The following KLHL25 variants were observed in gnomAD, a reference collection of about 807,000 sequenced individuals.
The protein encoded by KLHL25 is kelch-like protein 25.
A neutral mutation model predicts 30.0 loss-of-function variants in KLHL25; 41 were observed. That is an observed-to-expected ratio of 1.37 (90% CI 1.07 to 1.78). The LOEUF (loss-of-function observed/expected upper bound fraction) is 1.78. Among genes scored for constraint, KLHL25 ranks in the 40% most tolerant of loss-of-function variants. The probability of loss-of-function intolerance (pLI) is 0.00; values close to 1 mark genes in which losing one functional copy is unlikely to be tolerated. For synonymous variants in KLHL25, 399 were observed against 355.3 expected (o/e 1.12, Z -1.38); for missense variants, 971 against 824.5 (o/e 1.18, Z -2.18).
rs1177693144 is a variant in KLHL25 at position 85,768,845 on chromosome 15, G to C, written c.966C>G (p.Pro322=). The change falls in exon 2 of 3, where the codon CCC becomes CCG. Residue 322 remains proline (P), a synonymous_variant. Transcript: ENST00000337975. ...TCCGGGGGCTGGGCAGGTCGGCCTT[G>C]GGGATGATCTCCTTGGCCTTGTGGT... ...QVDHKAKEII[P]KADLPSPRKE... The C allele has an allele frequency of 6.2e-7, 1 of 1,613,400 alleles. No individual in the cohort carries two copies. The highest frequency in any genetic ancestry group is 2.2e-5 in the East Asian group (1 of 44,886).
rs576977001 is a variant in KLHL25 at position 85,787,492 on chromosome 15, T to C, written c.-11+7274A>G. 4.6e-5 allele frequency among the ~76,000 whole-genome samples: 7 copies of C among 152,326 alleles called. 1 individual carries two copies. Among genetic ancestry groups the C allele is most frequent in the African/African-American group, 1.7e-4 (7 of 41,572 alleles). ...TGTAGAGAAATGGGCATTCAGGCAC[T>C]ATTATTAGTGAAAGAGTAAACTGGG... is the stretch of plus-strand genomic sequence containing the variant. On this transcript the variant is annotated intron_variant, in intron 1 of 2. Coordinates refer to ENST00000337975, the MANE Select transcript of KLHL25 (RefSeq NM_022480.4).
rs773475225 is a variant in KLHL25 at position 85,768,906 on chromosome 15, C to T, written c.905G>A (p.Gly302Asp). Residue 302 changes from glycine to aspartate, a missense_variant, in exon 2 of 3, where the codon GGC becomes GAC. By Grantham distance (94) the Gly-to-Asp change is moderately conservative. Transcript: ENST00000337975. ...KAGHTLLILG[G>D]QTFMCDKIYQ... is the part of the protein sequence containing the mutation. ...GATCTTGTCACACATGAAGGTCTGGCCCCCCAGGATGAGTAGCGTGTGGCC... is the reference window on the plus strand; with the variant it reads ...GATCTTGTCACACATGAAGGTCTGGTCCCCCAGGATGAGTAGCGTGTGGCC... 3.1e-6 allele frequency: 5 copies of T among 1,613,188 alleles called. No homozygotes were observed. The highest frequency in any genetic ancestry group is 4.2e-6 in the Non-Finnish European group (5 of 1,180,042).
intron 1 of KLHL25, among the ~76,000 whole-genome samples, chr15:85,780,136 G>A (rs147467852): frequency 6.6e-6 from 1 of 152,184 alleles, no homozygotes; most frequent in African/African-American, 2.4e-5. Context: ...AACCCCCTCA[G>A]GTTGGGGGTG....
In KLHL25 at chr15:85,768,815, C is replaced by A; in HGVS notation, c.996G>T (p.Glu332Asp). The change falls in exon 2 of 3, where the codon GAG becomes GAT. Residue 332 changes from glutamate to aspartate, a missense_variant. Coordinates refer to ENST00000337975, the MANE Select transcript of KLHL25 (RefSeq NM_022480.4). ...PKADLPSPRK[E>D]FSASAIGCKV... ...TGCAGCCGATCGCTGAGGCGCTGAA[C>A]TCCTTCCGGGGGCTGGGCAGGTCGG... is the stretch of plus-strand genomic sequence containing the variant. 2 of 1,613,386 alleles carry A rather than the reference C, an allele frequency of 1.2e-6. No individual in the cohort carries two copies. Among genetic ancestry groups the A allele is most frequent in the Non-Finnish European group, 1.7e-6 (2 of 1,180,048 alleles).
intron 1 of KLHL25, among the ~76,000 whole-genome samples, chr15:85,794,185 G>A (rs1047929073): frequency 2.6e-5 from 4 of 152,222 alleles, no homozygotes; most frequent in African/African-American, 9.6e-5. Context: ...GTGCCTTTGA[G>A]TGCGACCTTT....
Position 85,760,263 on chromosome 15 carries a change from AGGAGGGGAGG to A in KLHL25, c.*763_*772del, listed in dbSNP as rs955085910. 1 of 151,868 alleles carries A rather than the reference AGGAGGGGAGG, an allele frequency of 6.6e-6. No individual in the cohort carries two copies. The highest frequency in any genetic ancestry group is 3.4e-3 in the Middle Eastern group (1 of 294). 9.4% of individuals were successfully genotyped at this position (151,868 alleles called of 1,614,324 possible). On this transcript the variant is annotated 3_prime_UTR_variant, in exon 3 of 3. Transcript: ENST00000337975. ...CTGCTGCCTCTCAGGGTGGGCTCTG[AGGAGGGGAGG>A]GGAGGGGTGACCCCCAGGGCACTCG...
In KLHL25 at chr15:85,768,542, C is replaced by T. The variant is rs1293977770; in HGVS notation, c.1269G>A (p.Lys423=). 3 of 1,613,618 alleles carry T rather than the reference C, an allele frequency of 1.9e-6. No individual in the cohort carries two copies. The East Asian group carries it at 6.7e-5, about 36-fold the overall frequency. Reference sequence around the variant, plus strand: ...CCCGCAAGGGGGCCACCATCATCCACTTGTTGGCCCCAGGGTCGTATTTCT... The same window carrying T: ...CCCGCAAGGGGGCCACCATCATCCATTTGTTGGCCCCAGGGTCGTATTTCT... ...QVEKYDPGAN[K]WMMVAPLRDG... is the part of the protein sequence containing the mutation. Residue 423 remains lysine (K), a synonymous_variant, in exon 2 of 3, where the codon AAG becomes AAA. Transcript: ENST00000337975.
chr15:85,769,858 T>G (rs1261638929), intron 1 of KLHL25, 38 bp from the exon 2 acceptor site: 2 of 1,515,354 alleles, frequency 1.3e-6, no homozygotes, highest in East Asian at 2.3e-5. Context: ...GAGGAGCCCC[T>G]CCTGCCCATC....
In KLHL25 at chr15:85,769,554, G is replaced by A. The variant is rs1249274158; in HGVS notation, c.257C>T (p.Thr86Ile). 3.7e-6 allele frequency: 6 copies of A among 1,613,858 alleles called. No individual in the cohort carries two copies. Among genetic ancestry groups the A allele is most frequent in the Non-Finnish European group, 5.1e-6 (6 of 1,180,046 alleles). Residue 86 changes from threonine (T) to isoleucine (I), a missense_variant, in exon 2 of 3, where the codon ACT becomes ATT. Transcript: ENST00000337975. ...GTGCAGGTTGTCCTGGAAGTTGACA[G>A]TGTCATCCCGGCTCTCCCGAAGGCC... ...SHGLRESRDDTVNFQDNLHPE... is the reference protein window; with the variant it reads ...SHGLRESRDDIVNFQDNLHPE...
chr15:85,780,922 C>A (rs1424174180), intron 1 of KLHL25, among the ~76,000 whole-genome samples: 1 of 152,316 alleles, frequency 6.6e-6, no homozygotes, highest in African/African-American at 2.4e-5. Context: ...TGGTTACACA[C>A]CGCAGCATGG....
chr15:85,772,162 G>C (rs1157546222), intron 1 of KLHL25, among the ~76,000 whole-genome samples: 1 of 152,142 alleles, frequency 6.6e-6, no homozygotes, highest in African/African-American at 2.4e-5. Flanking sequence ...AGAGGCATTT[G>C]TTGCCTCTGG....
At chr15:85,778,889 C>G (rs1030924159) in intron 1 of KLHL25, among the ~76,000 whole-genome samples, 1 of 152,166 alleles carries the variant, frequency 6.6e-6, no homozygotes, top group Non-Finnish European at 1.5e-5. Flanking sequence ...ATGGTACCCA[C>G]TTCTCTCCTA....
intron 1 of KLHL25, among the ~76,000 whole-genome samples, chr15:85,783,668 G>A (rs987024466): frequency 2.7e-5 from 4 of 147,940 alleles, no homozygotes; most frequent in Admixed American, 6.8e-5. Context: ...CTCCAGCCTG[G>A]GTGACAGAGC....
Position 85,769,584 on chromosome 15 carries a change from C to T in KLHL25, c.227G>A (p.Ser76Asn). Residue 76 changes from serine (S) to asparagine (N), a missense_variant, in exon 2 of 3, where the codon AGC becomes AAC. By Grantham distance (46) the Ser-to-Asn change is conservative. Transcript: ENST00000337975. ...ATCCCGGCTCTCCCGAAGGCCATGGCTGAACATGGCCTCAAAATAGCGGCT... is the reference window on the plus strand; with the variant it reads ...ATCCCGGCTCTCCCGAAGGCCATGGTTGAACATGGCCTCAAAATAGCGGCT... ...ASSRYFEAMF[S>N]HGLRESRDDT... The T allele has an allele frequency of 6.2e-7, 1 of 1,613,760 alleles. No homozygotes were observed. The highest frequency in any genetic ancestry group is 1.6e-4 in the Middle Eastern group (1 of 6,062).
Position 85,768,721 on chromosome 15 carries a change from C to T in KLHL25, c.1090G>A (p.Val364Ile), listed in dbSNP as rs146134922. 8.1e-5 allele frequency: 131 copies of T among 1,613,446 alleles called. No individual in the cohort carries two copies. In the Middle Eastern group the frequency reaches 8.2e-4, roughly 10 times the overall value. The change falls in exon 2 of 3, where the codon GTA becomes ATA. Residue 364 changes from valine (V) to isoleucine (I), a missense_variant. Transcript: ENST00000337975. ...VSKDVWVYDT[V>I]HEEWSKAAPM... ...GCCGCCTTGGACCATTCCTCATGTA[C>T]GGTGTCGTACACCCAGACATCCTTG...
At chr15:85,767,904 C>A in intron 2 of KLHL25, 113 bp downstream of exon 2, 1 of 699,098 alleles carries the variant, frequency 1.4e-6, no homozygotes, top group Non-Finnish European at 2.3e-6. Flanking sequence ...ACCTGCTGCC[C>A]ACCCAGACTT....
At chr15:85,791,243 C>T (rs755788923) in intron 1 of KLHL25, among the ~76,000 whole-genome samples, 172 of 148,024 alleles carry the variant, frequency 1.2e-3, no homozygotes, top group Middle Eastern at 3.8e-3. Flanking sequence ...TGCCTGTAAT[C>T]CCAGCACTTT....
At chr15:85,794,124 G>C (rs771860485) in intron 1 of KLHL25, among the ~76,000 whole-genome samples, 5 of 152,232 alleles carry the variant, frequency 3.3e-5, no homozygotes, top group Non-Finnish European at 7.3e-5. Flanking sequence ...CAGGCTAGAG[G>C]GCTTGCTCTG....
At chr15:85,781,549 T>C (rs1358605591) in intron 1 of KLHL25, among the ~76,000 whole-genome samples, 3 of 152,168 alleles carry the variant, frequency 2.0e-5, no homozygotes, top group Admixed American at 6.5e-5. Flanking sequence ...AATGGTGTGA[T>C]GTCGGCTCAC....
Sources: gnomAD v4.1 joint callset for allele counts (sites outside exome capture counted in the v4.1 genomes callset) on GRCh38, gnomAD v4.1.1 for gene constraint, MANE v1.5 for transcripts, NCBI Gene and HGNC (gene_info 2026-07-23, HGNC 2026-07-21) for gene names.